NBAS: variants seen among roughly 807,000 people sequenced by gnomAD.
NBAS encodes the protein NBAS subunit of NRZ tethering complex.
A neutral mutation model predicts 302.5 loss-of-function variants in NBAS; 219 were observed. That is an observed-to-expected ratio of 0.72 (90% CI 0.65 to 0.81). The LOEUF (loss-of-function observed/expected upper bound fraction) is 0.81. Among genes scored for constraint, NBAS ranks in the 30% least tolerant of loss-of-function variants. The pLI, the probability that NBAS is intolerant of heterozygous loss-of-function variation, is 0.00. For missense variants in NBAS, 2,932 were observed against 2,841.6 expected, an observed-to-expected ratio of 1.03 and a Z score of -0.72; for synonymous variants, 1,118 against 1,021.6, an observed-to-expected ratio of 1.09 and a Z score of -1.80.
intron 47 of NBAS, among the ~76,000 whole-genome samples, chr2:15,224,204 A>T (rs1286298571): frequency 6.6e-6 from 1 of 152,218 alleles, no homozygotes; most frequent in Non-Finnish European, 1.5e-5. Context: ...CATGGAAGAC[A>T]TTCACAAAAG....
the NBAS span, among the ~76,000 whole-genome samples, chr2:14,953,940 T>C: frequency 3.9e-5 from 6 of 152,116 alleles, no homozygotes; most frequent in African/African-American, 1.4e-4. Flanking sequence ...ATGGAAGATA[T>C]CTGGGTGCCA....
intron 48 of NBAS, among the ~76,000 whole-genome samples, chr2:15,209,052 C>G (rs1380437231): frequency 6.6e-6 from 1 of 151,574 alleles, no homozygotes; most frequent in Non-Finnish European, 1.5e-5. Flanking sequence ...AATCTTTAGA[C>G]AGATTAACTT....
chr2:14,868,311 G>A, the NBAS span, among the ~76,000 whole-genome samples: 3 of 152,042 alleles, frequency 2.0e-5, no homozygotes, highest in South Asian at 6.2e-4. Flanking sequence ...CCTTGATCAG[G>A]TATTTCTTAT....
the NBAS span, among the ~76,000 whole-genome samples, chr2:14,882,428 A>G: frequency 6.6e-6 from 1 of 152,128 alleles, no homozygotes; most frequent in African/African-American, 2.4e-5. Context: ...AAAAGATAGG[A>G]TTCTTCCCCA....
chr2:14,912,494 T>C, the NBAS span, among the ~76,000 whole-genome samples: 348 of 152,112 alleles, frequency 2.3e-3, 2 homozygotes, highest in African/African-American at 6.4e-3. Context: ...AGAAATGAAG[T>C]GTCCCATCAA....
At chr2:14,900,112 C>CTTTTTTTTTTTTTTTTTTT in the NBAS span, among the ~76,000 whole-genome samples, 5 of 140,636 alleles carry the variant, frequency 3.6e-5, 1 homozygote, top group African/African-American at 2.6e-5. Flanking sequence ...AAGTCACATG[C>CTTTTTTTTTTTTTTTTTTT]TTTTTTTTTT....
intron 48 of NBAS, among the ~76,000 whole-genome samples, chr2:15,211,342 A>T (rs1012902643): frequency 6.6e-6 from 1 of 152,216 alleles, no homozygotes; most frequent in Non-Finnish European, 1.5e-5. Context: ...CACTAGTGGG[A>T]CAACGAACAG....
At chr2:15,492,670 A>G (rs1680909798) in intron 11 of NBAS, among the ~76,000 whole-genome samples, 1 of 151,996 alleles carries the variant, frequency 6.6e-6, no homozygotes, top group African/African-American at 2.4e-5. Flanking sequence ...CATGTTGCCC[A>G]TGCTGGTCTC....
At chr2:15,481,417 A>G (rs560266651) in intron 12 of NBAS, among the ~76,000 whole-genome samples, 4 of 152,342 alleles carry the variant, frequency 2.6e-5, no homozygotes, top group African/African-American at 9.6e-5. Context: ...GAAGAGACTC[A>G]GGATCAGACC....
In NBAS at chr2:15,460,763, A is replaced by C. The variant is rs114271558; in HGVS notation, c.2339+438T>G. On this transcript the variant is annotated intron_variant, in intron 21 of 51. Transcript: ENST00000281513. ...TGGTAAAGCAATATTTTGATTTCCCATTTGTCTTTGTGCCTGTGGAATTTC... is the reference window on the plus strand; with the variant it reads ...TGGTAAAGCAATATTTTGATTTCCCCTTTGTCTTTGTGCCTGTGGAATTTC... Among the ~76,000 whole-genome samples, 928 of 152,290 alleles carry C rather than the reference A, an allele frequency of 6.1e-3. 11 individuals are homozygous for C. Among genetic ancestry groups the C allele is most frequent in the African/African-American group, 0.02 (830 of 41,570 alleles).
At chr2:15,027,544 G>C in the NBAS span, among the ~76,000 whole-genome samples, 45 of 151,706 alleles carry the variant, frequency 3.0e-4, no homozygotes, top group African/African-American at 1.1e-3. Flanking sequence ...GAATCTCTTG[G>C]GTTTTTTAGT....
intron 44 of NBAS, among the ~76,000 whole-genome samples, chr2:15,267,363 A>AAC (rs761930751): frequency 5.9e-4 from 90 of 152,360 alleles, no homozygotes; most frequent in Non-Finnish European, 1.1e-3. Flanking sequence ...GACCAAAGCC[A>AAC]GAGATCAATG....
the NBAS span, among the ~76,000 whole-genome samples, chr2:15,057,452 AGTTATTGGG>A: frequency 2.0e-5 from 3 of 151,846 alleles, no homozygotes; most frequent in Non-Finnish European, 4.4e-5. Flanking sequence ...TTTTTCCATA[AGTTATTGGG>A]GAACAGGTGG....
the NBAS span, among the ~76,000 whole-genome samples, chr2:15,007,888 G>T: frequency 2.6e-5 from 4 of 152,220 alleles, no homozygotes; most frequent in South Asian, 8.3e-4. Flanking sequence ...GCTTCCCAAA[G>T]TTCAGTTCCT....
chr2:15,132,432 T>A, the NBAS span, among the ~76,000 whole-genome samples: 1 of 152,108 alleles, frequency 6.6e-6, no homozygotes, highest in Non-Finnish European at 1.5e-5. Context: ...AAGAAATGAA[T>A]AGGTGGAGGA....
At chr2:15,098,395 T>C in the NBAS span, among the ~76,000 whole-genome samples, 6 of 16,254 alleles carry the variant, frequency 3.7e-4, no homozygotes, top group African/African-American at 6.7e-4. Context: ...ATATTGTATA[T>C]TATATATTAT....
the NBAS span, among the ~76,000 whole-genome samples, chr2:14,819,426 A>G: frequency 2.4e-3 from 366 of 152,372 alleles, no homozygotes; most frequent in African/African-American, 8.0e-3. Context: ...AACAGAAAAT[A>G]GCAATATCAA....
the NBAS span, among the ~76,000 whole-genome samples, chr2:14,936,396 C>A: frequency 1.3e-5 from 2 of 152,202 alleles, no homozygotes; most frequent in African/African-American, 4.8e-5. Context: ...TAGGACACAT[C>A]AGTGAGTTTT....
At chr2:15,403,657 G>A (rs931724754) in intron 25 of NBAS, among the ~76,000 whole-genome samples, 1 of 152,110 alleles carries the variant, frequency 6.6e-6, no homozygotes, top group East Asian at 1.9e-4. Context: ...CCTGGCGGCA[G>A]GAGGGCTTAA....
Sources: gnomAD v4.1 joint callset for allele counts (sites outside exome capture counted in the v4.1 genomes callset) on GRCh38, gnomAD v4.1.1 for gene constraint, MANE v1.5 for transcripts, NCBI Gene and HGNC (gene_info 2026-07-23, HGNC 2026-07-21) for gene names.